The following TOPAZ1 variants were observed in gnomAD, a reference collection of about 807,000 sequenced individuals.
TOPAZ1 encodes the protein testis and ovary specific TOPAZ 1.
TOPAZ1 carries 66 observed loss-of-function variants against 172.2 expected under a neutral mutation model. The observed-to-expected ratio is 0.38, with a 90% confidence interval of 0.31 to 0.47. The LOEUF (loss-of-function observed/expected upper bound fraction) is 0.47, where lower values mean the gene tolerates loss of function less well. TOPAZ1 is among the 20% of genes least tolerant of loss of function. TOPAZ1 has a pLI of 0.99. For missense variants in TOPAZ1, 1,822 were observed against 1,972.4 expected (o/e 0.92, Z 1.44); for synonymous variants, 681 against 683.9 (o/e 1.00, Z 0.07).
chr3:44,325,806 G>A (rs1013510756), intron 18 of TOPAZ1, among the ~76,000 whole-genome samples: 1 of 152,102 alleles, frequency 6.6e-6, no homozygotes, highest in Non-Finnish European at 1.5e-5. Flanking sequence ...ACCATGCGCA[G>A]CTAATTTTGT....
chr3:44,283,808 C>T (rs1006020284), intron 9 of TOPAZ1, among the ~76,000 whole-genome samples: 5 of 152,186 alleles, frequency 3.3e-5, no homozygotes, highest in Admixed American at 2.6e-4. Context: ...TTAAGTTGCA[C>T]GCATCATGGC....
At chr3:44,302,772 G>C (rs1488212940) in intron 12 of TOPAZ1, among the ~76,000 whole-genome samples, 1 of 152,080 alleles carries the variant, frequency 6.6e-6, no homozygotes, top group Non-Finnish European at 1.5e-5. Context: ...AATATTTTGG[G>C]TGCTATTGTG....
At chr3:44,255,115 A>G (rs1219621602) in intron 3 of TOPAZ1, 86 bp downstream of exon 3, 2 of 957,686 alleles carry the variant, frequency 2.1e-6, no homozygotes, top group Non-Finnish European at 3.2e-6. Context: ...ATTCACTAGA[A>G]CAAGAAGCTT....
chr3:44,253,134 A>G (rs1457510076), intron 2 of TOPAZ1, among the ~76,000 whole-genome samples: 1 of 152,200 alleles, frequency 6.6e-6, no homozygotes, highest in Non-Finnish European at 1.5e-5. Context: ...TAAAATGACC[A>G]TAGAATTTAC....
chr3:44,327,699 A>G (rs755279222), intron 18 of TOPAZ1, among the ~76,000 whole-genome samples: 6 of 152,120 alleles, frequency 3.9e-5, no homozygotes, highest in Admixed American at 1.3e-4. Flanking sequence ...GATAAGGCCC[A>G]AAAGTCATTT....
intron 12 of TOPAZ1, among the ~76,000 whole-genome samples, chr3:44,297,941 T>C (rs1700218128): frequency 2.0e-5 from 3 of 152,146 alleles, no homozygotes; most frequent in Admixed American, 1.3e-4. Context: ...ACTTGTATGT[T>C]GGAAGTTACA....
At chr3:44,315,533 A>ATTTTT (rs369669969) in intron 16 of TOPAZ1, among the ~76,000 whole-genome samples, 6 of 128,916 alleles carry the variant, frequency 4.7e-5, no homozygotes, top group East Asian at 2.2e-4. Flanking sequence ...ACGTCTGGCT[A>ATTTTT]TTTTTTTTTT....
intron 12 of TOPAZ1, among the ~76,000 whole-genome samples, chr3:44,291,606 T>G (rs1700138887): frequency 8.1e-6 from 1 of 122,894 alleles, no homozygotes; most frequent in South Asian, 2.5e-4. Flanking sequence ...AATAAATAAA[T>G]AAATAAATAA....
At chr3:44,271,851 T>C (rs1256286446) in intron 8 of TOPAZ1, among the ~76,000 whole-genome samples, 1 of 152,076 alleles carries the variant, frequency 6.6e-6, no homozygotes, top group African/African-American at 2.4e-5. Context: ...AAAAAAAAAC[T>C]TTTTCTTCCT....
chr3:44,315,554 G>A lies in TOPAZ1; in HGVS notation c.4307-5473G>A, dbSNP rs188087579. ...GGCTATTTTTTTTTTTTTTTTTTTA[G>A]TAGGACAGGGTTTCTCCATGTTGGT... On this transcript the variant is annotated intron_variant, in intron 16 of 19. Transcript: ENST00000309765. Among the ~76,000 whole-genome samples, 791 of 89,856 alleles carry A rather than the reference G, an allele frequency of 8.8e-3. 5 individuals carry two copies. The highest frequency in any genetic ancestry group is 0.027 in the African/African-American group (757 of 28,076). The allele number at this position is 89,856 out of a possible 152,430, so 58.9% of individuals were successfully genotyped here. A position where few individuals can be genotyped will look rare whatever the true frequency, so the allele number is the denominator to read the frequency against.
At chr3:44,330,998 A>T (rs1700661232) in intron 19 of TOPAZ1, among the ~76,000 whole-genome samples, 1 of 152,258 alleles carries the variant, frequency 6.6e-6, no homozygotes, top group African/African-American at 2.4e-5. Context: ...AATATTAGCT[A>T]CATATTAAGT....
rs1700677384 is a variant in TOPAZ1 at position 44,332,050 on chromosome 3, AATC to A, written c.*42_*44del. Reference sequence around the variant, plus strand: ...CTTTTTTTTTTTTTTTAGTTCAAGTAATCATTGTTGAAAATAAAAGGCAATAAA... The same window carrying A: ...CTTTTTTTTTTTTTTTAGTTCAAGTAATTGTTGAAAATAAAAGGCAATAAA... On this transcript the variant is annotated 3_prime_UTR_variant, in exon 20 of 20. Transcript: ENST00000309765. The A allele has an allele frequency of 7.4e-7, 1 of 1,344,110 alleles. No individual in the cohort carries two copies. Among genetic ancestry groups the A allele is most frequent in the Non-Finnish European group, 1.0e-6 (1 of 984,746 alleles). 83.3% of individuals were successfully genotyped at this position (1,344,110 alleles called of 1,614,324 possible).
Position 44,279,581 on chromosome 3 carries a change from T to C in TOPAZ1, c.3373-2387T>C, listed in dbSNP as rs374349841. On this transcript the variant is annotated intron_variant, in intron 8 of 19. Transcript: ENST00000309765. Reference sequence around the variant, plus strand: ...TCTTTAAATAATGACTTTATCTTTTTTGTTATTTTTTTACTTAAAGTCTGT... The same window carrying C: ...TCTTTAAATAATGACTTTATCTTTTCTGTTATTTTTTTACTTAAAGTCTGT... Among the ~76,000 whole-genome samples the C allele has an allele frequency of 4.3e-4, 65 of 152,292 alleles. No homozygotes were observed. In the East Asian group the frequency reaches 7.9e-3, roughly 19 times the overall value.
At chr3:44,255,410 T>C (rs1422613229) in intron 3 of TOPAZ1, among the ~76,000 whole-genome samples, 2 of 152,064 alleles carry the variant, frequency 1.3e-5, no homozygotes, top group Non-Finnish European at 2.9e-5. Flanking sequence ...CCCAGCACTT[T>C]GGGAGTCCGC....
chr3:44,290,981 C>A, intron 12 of TOPAZ1, 95 bp downstream of exon 12: 1 of 739,824 alleles, frequency 1.4e-6, no homozygotes, highest in Non-Finnish European at 2.1e-6. Flanking sequence ...GTTTGTATGC[C>A]CAAACATTTA....
At chr3:44,316,761 G>A (rs1700455789) in intron 16 of TOPAZ1, among the ~76,000 whole-genome samples, 1 of 151,784 alleles carries the variant, frequency 6.6e-6, no homozygotes, top group South Asian at 2.1e-4. Context: ...TTTAAATTTT[G>A]GTATTAGATG....
At chr3:44,269,195 G>C in intron 6 of TOPAZ1, 21 bp from the exon 7 acceptor site, 1 of 1,355,346 alleles carries the variant, frequency 7.4e-7, no homozygotes, top group Non-Finnish European at 1.0e-6. Context: ...GGTGTGTAAT[G>C]CCACTCTAAA....
chr3:44,332,838 GC>G (rs1186516937), downstream of TOPAZ1, among the ~76,000 whole-genome samples: 10 of 150,850 alleles, frequency 6.6e-5, no homozygotes, highest in Admixed American at 2.6e-4. Context: ...CGTACTCTGT[GC>G]CCAGGCTGGA....
intron 12 of TOPAZ1, among the ~76,000 whole-genome samples, chr3:44,303,479 CTTTTT>C (rs34565826): frequency 6.4e-5 from 7 of 109,934 alleles, no homozygotes; most frequent in Admixed American, 1.9e-4. Flanking sequence ...TGCTTGCTTG[CTTTTT>C]TTTTTTTTTT....
Sources: gnomAD v4.1 joint callset for allele counts (sites outside exome capture counted in the v4.1 genomes callset) on GRCh38, gnomAD v4.1.1 for gene constraint, MANE v1.5 for transcripts, NCBI Gene and HGNC (gene_info 2026-07-23, HGNC 2026-07-21) for gene names.